Variants in NOLC1 observed in about 807,000 individuals in gnomAD.
NOLC1 encodes nucleolar and coiled-body phosphoprotein 1, also known as 140 kDa nucleolar phosphoprotein.
A neutral mutation model predicts 73.4 loss-of-function variants in NOLC1; 37 were observed. The ratio of observed to expected loss-of-function variants is 0.50; its 90% confidence interval spans 0.39 to 0.66. The LOEUF is 0.66. Among genes scored for constraint, NOLC1 ranks in the 30% least tolerant of loss-of-function variants. NOLC1 has a pLI of 0.00. For synonymous variants in NOLC1, 327 were observed against 302.6 expected (o/e 1.08, Z -0.84); for missense variants, 921 against 838.9 (o/e 1.10, Z -1.21).
At chr10:102,161,300 C>T (rs139878310) in intron 10 of NOLC1, among the ~76,000 whole-genome samples, 28 of 151,998 alleles carry the variant, frequency 1.8e-4, no homozygotes, top group East Asian at 9.7e-4. Context: ...GGCATGATCA[C>T]GGCTTGTGCA....
At chr10:102,159,094 A>AAAT in intron 5 of NOLC1, 99 bp from the exon 6 acceptor site, 8 of 724,772 alleles carry the variant, frequency 1.1e-5, no homozygotes, top group Non-Finnish European at 1.5e-5. Flanking sequence ...AAAAAAAAAA[A>AAAT]TGGTGGACTC....
chr10:102,159,230 C>T lies in NOLC1; in HGVS notation c.645C>T (p.Ala215=), dbSNP rs1367700397. The T allele has an allele frequency of 3.1e-6, 5 of 1,613,204 alleles. No individual in the cohort carries two copies. The highest frequency in any genetic ancestry group is 4.2e-6 in the Non-Finnish European group (5 of 1,179,368). ...AAPKIANGKA[A]SSSSSSSSSS... is the part of the protein sequence containing the mutation. ...CTAAAATAGCCAATGGTAAAGCAGC[C>T]AGTAGCAGCAGTAGCAGCAGCAGCA... The change falls in exon 6 of 13, where the codon GCC becomes GCT. Residue 215 remains alanine, a synonymous_variant. Coordinates refer to ENST00000605788, the MANE Select transcript of NOLC1 (RefSeq NM_004741.5).
rs1309442841 is a variant in NOLC1, at chr10:102,161,939, C to A, written c.1941+14C>A. On this transcript the variant is annotated intron_variant, in intron 12 of 12. Transcript: ENST00000605788. ...TTTGATGCCAAGGTGAGAGAGAGAT[C>A]TGTGCCATTCTTGGGAGGGAGGATG... 1 of 1,612,362 alleles carries A rather than the reference C, an allele frequency of 6.2e-7. No homozygotes were observed. Among genetic ancestry groups the A allele is most frequent in the African/African-American group, 1.3e-5 (1 of 74,886 alleles).
At chr10:102,161,754 A>G in intron 11 of NOLC1, 79 bp from the exon 12 acceptor site, 1 of 1,524,758 alleles carries the variant, frequency 6.6e-7, no homozygotes, top group Non-Finnish European at 9.1e-7. Flanking sequence ...GTGACCTGGT[A>G]CATGTGCCCA....
chr10:102,156,493 T>A (rs2069596902), intron 1 of NOLC1, among the ~76,000 whole-genome samples: 1 of 151,656 alleles, frequency 6.6e-6, no homozygotes, highest in Admixed American at 6.6e-5. Flanking sequence ...AGTGGCGCGA[T>A]CTCCTAGGTT....
chr10:102,156,980 AT>A, intron 1 of NOLC1, 38 bp from the exon 2 acceptor site: 2 of 1,594,996 alleles, frequency 1.3e-6, no homozygotes, highest in Non-Finnish European at 1.7e-6. Context: ...CATAACCAGG[AT>A]AAAATAATTT....
At chr10:102,153,395 G>C (rs1022013959) in intron 1 of NOLC1, among the ~76,000 whole-genome samples, 1 of 152,180 alleles carries the variant, frequency 6.6e-6, no homozygotes, top group Non-Finnish European at 1.5e-5. Flanking sequence ...CTACATCAAC[G>C]GACATTCCTG....
chr10:102,156,137 G>T (rs765707944), intron 1 of NOLC1, among the ~76,000 whole-genome samples: 6 of 152,214 alleles, frequency 3.9e-5, no homozygotes, highest in African/African-American at 9.7e-5. Context: ...ACTGCATCCC[G>T]CCTGGAGGCT....
chr10:102,157,354 G>A (rs771426415), intron 3 of NOLC1, 26 bp downstream of exon 3: 10 of 1,613,436 alleles, frequency 6.2e-6, no homozygotes, highest in Non-Finnish European at 8.5e-6. Flanking sequence ...AGGTGGGCTT[G>A]GTGGTGCCAG....
rs1440820452 is a variant in NOLC1, at chr10:102,162,385, A to G, written c.*116A>G. 7 of 1,093,814 alleles carry G rather than the reference A, an allele frequency of 6.4e-6. No homozygotes were observed. The highest frequency in any genetic ancestry group is 9.3e-6 in the Non-Finnish European group (7 of 753,204). The allele number at this position is 1,093,814 out of a possible 1,614,324, so 67.8% of individuals were successfully genotyped here. ...GGTCTTGATGAGGACAGAAGTTTAG[A>G]GTAGGTCCTAAGACTTTACAGTGTA... is the stretch of plus-strand genomic sequence containing the variant. On this transcript the variant is annotated 3_prime_UTR_variant, in exon 13 of 13. Transcript: ENST00000605788.
At chr10:102,153,891 T>C (rs182405152) in intron 1 of NOLC1, among the ~76,000 whole-genome samples, 1 of 151,982 alleles carries the variant, frequency 6.6e-6, no homozygotes, top group Non-Finnish European at 1.5e-5. Context: ...CAGGCTGGTC[T>C]TGAACTCCTG....
At position 102,163,593 on chromosome 10, in the gene NOLC1, A is replaced by G. The variant is rs2069748121; in HGVS notation, c.*1324A>G. ...AGCAGTAGCGGTACTCAGCCAGACC[A>G]AGACGGAGAGGGAAGAGTCCACAGC... On this transcript the variant is annotated 3_prime_UTR_variant, in exon 13 of 13. Transcript: ENST00000605788. The G allele has an allele frequency of 1.3e-5, 2 of 152,224 alleles. No individual in the cohort carries two copies. The highest frequency in any genetic ancestry group is 2.9e-5 in the Non-Finnish European group (2 of 68,036). 9.4% of individuals were successfully genotyped at this position (152,224 alleles called of 1,614,324 possible).
intron 7 of NOLC1, 94 bp from the exon 8 acceptor site, chr10:102,159,802 G>A (rs2069668769): frequency 5.3e-6 from 7 of 1,314,280 alleles, no homozygotes; most frequent in Non-Finnish European, 7.2e-6. Flanking sequence ...CCATACTCAA[G>A]TGAAGGGGAA....
Position 102,152,524 on chromosome 10 carries a change from A to G in NOLC1, c.114A>G (p.Thr38=), listed in dbSNP as rs376493530. The G allele has an allele frequency of 6.2e-6, 10 of 1,613,646 alleles. No homozygotes were observed. The highest frequency in any genetic ancestry group is 2.7e-5 in the African/African-American group (2 of 74,958). ...TGGCCAATAAGTTCGCCAAAGCGAC[A>G]GGAGCTGTGAGTTCCGGGCTTGGGG... ...SEVANKFAKA[T]GATQQDANAS... The change falls in exon 1 of 13, where the codon ACA becomes ACG. Residue 38 remains threonine, a synonymous_variant. Coordinates refer to ENST00000605788, the MANE Select transcript of NOLC1 (RefSeq NM_004741.5).
Position 102,160,732 on chromosome 10 carries a change from G to A in NOLC1, c.1380G>A (p.Lys460=), listed in dbSNP as rs2069692153. 1.2e-6 allele frequency: 2 copies of A among 1,614,128 alleles called. No individual in the cohort carries two copies. Among genetic ancestry groups the A allele is most frequent in the South Asian group, 1.1e-5 (1 of 91,092 alleles). ...TAKAALSLPA[K]QAPQGSRDSS... is the part of the protein sequence containing the mutation. ...AAGCAGCTCTATCTCTGCCTGCCAA[G>A]CAGGCTCCTCAGGGTAGTAGGGACA... Residue 460 remains lysine, a synonymous_variant, in exon 10 of 13, where the codon AAG becomes AAA. Coordinates refer to ENST00000605788, the MANE Select transcript of NOLC1 (RefSeq NM_004741.5).
chr10:102,162,004 G>A (rs1398805390), intron 12 of NOLC1, 79 bp downstream of exon 12: 1 of 1,602,336 alleles, frequency 6.2e-7, no homozygotes, highest in African/African-American at 1.3e-5. Context: ...CAGGTTGGTG[G>A]GAATCTTCTC....
chr10:102,159,471 G>A lies in NOLC1; in HGVS notation c.762G>A (p.Val254=). The A allele has an allele frequency of 3.1e-6, 5 of 1,614,192 alleles. No homozygotes were observed. The highest frequency in any genetic ancestry group is 4.2e-6 in the Non-Finnish European group (5 of 1,180,038). ...PKKQVVAKAP[V]KAATTPTRKS... ...AGCAAGTTGTGGCCAAGGCCCCAGT[G>A]AAAGCAGCTACCACCCCTACCCGGA... Residue 254 remains valine, a synonymous_variant, in exon 7 of 13, where the codon GTG becomes GTA. Coordinates refer to ENST00000605788, the MANE Select transcript of NOLC1 (RefSeq NM_004741.5).
rs1487153292 is a variant in NOLC1, at chr10:102,163,407, T to G, written c.*1138T>G. ...GAGTGGGTTTGGGAGAACAAACTAA[T>G]AGGATTATTGTGTCTCCTAGTTGGT... On this transcript the variant is annotated 3_prime_UTR_variant, in exon 13 of 13. Coordinates refer to ENST00000605788, the MANE Select transcript of NOLC1 (RefSeq NM_004741.5). The G allele has an allele frequency of 6.6e-6, 1 of 152,226 alleles. No individual in the cohort carries two copies. The highest frequency in any genetic ancestry group is 2.4e-5 in the African/African-American group (1 of 41,454). The allele number at this position is 152,226 out of a possible 1,614,324, so 9.4% of individuals were successfully genotyped here. A position where few individuals can be genotyped will look rare whatever the true frequency, so the allele number is the denominator to read the frequency against.
At chr10:102,159,854 G>A in intron 7 of NOLC1, 42 bp from the exon 8 acceptor site, 1 of 1,476,520 alleles carries the variant, frequency 6.8e-7, no homozygotes, top group Non-Finnish European at 9.0e-7. Flanking sequence ...AAAAAAAGTT[G>A]TAGACATATC....
Sources: gnomAD v4.1 joint callset for allele counts (sites outside exome capture counted in the v4.1 genomes callset) on GRCh38, gnomAD v4.1.1 for gene constraint, MANE v1.5 for transcripts, NCBI Gene and HGNC (gene_info 2026-07-23, HGNC 2026-07-21) for gene names.